Variants in LAMC1 observed in about 807,000 individuals in gnomAD.
LAMC1 encodes laminin subunit gamma-1.
In LAMC1, 38 loss-of-function variants were observed where a neutral mutation model predicts 173.6. The observed-to-expected ratio is 0.22, with a 90% CI of 0.17 to 0.29. The LOEUF (loss-of-function observed/expected upper bound fraction) is 0.29. Among genes scored for constraint, LAMC1 ranks in the 10% least tolerant of loss-of-function variants. LAMC1 has a pLI of 1.00. For missense variants in LAMC1, 1,824 were observed against 2,051.8 expected, an observed-to-expected ratio of 0.89 and a Z score of 2.14; for synonymous variants, 746 against 749.1, an observed-to-expected ratio of 1.00 and a Z score of 0.07.
intron 1 of LAMC1, among the ~76,000 whole-genome samples, chr1:183,065,348 G>A (rs1038085469): frequency 6.6e-6 from 1 of 152,206 alleles, no homozygotes. Context: ...GGGCTGGCAA[G>A]TCCAAAATCT....
At chr1:183,087,853 G>A (rs1460382187) in intron 1 of LAMC1, among the ~76,000 whole-genome samples, 1 of 141,028 alleles carries the variant, frequency 7.1e-6, no homozygotes, top group Non-Finnish European at 1.5e-5. Context: ...TGCTCTTGTT[G>A]CCCAGGCTGG....
In LAMC1 at chr1:183,093,129, G is replaced by A. The variant is rs377738100; in HGVS notation, c.419-10199G>A. 2.0e-5 allele frequency among the ~76,000 whole-genome samples: 3 copies of A among 152,198 alleles called. No individual in the cohort carries two copies. In the South Asian group the frequency reaches 6.2e-4, roughly 32 times the overall value. On this transcript the variant is annotated intron_variant, in intron 1 of 27. Coordinates refer to ENST00000258341, the MANE Select transcript of LAMC1 (RefSeq NM_002293.4). ...ATTGCACTCCATCCTGGGCGATTTA[G>A]GGCTCTCCCCTGTCTCTAACAGAAA...
chr1:183,079,540 TC>T (rs1441074548), intron 1 of LAMC1, among the ~76,000 whole-genome samples: 17 of 151,726 alleles, frequency 1.1e-4, no homozygotes, highest in Non-Finnish European at 7.4e-5. Context: ...CAATTCACCT[TC>T]CTCAGCCTCC....
At chr1:183,037,600 G>A (rs1395399904) in intron 1 of LAMC1, among the ~76,000 whole-genome samples, 1 of 152,114 alleles carries the variant, frequency 6.6e-6, no homozygotes. Flanking sequence ...TATTCACTTT[G>A]ATGTCTGTGT....
chr1:183,045,591 A>AT (rs762900654), intron 1 of LAMC1, among the ~76,000 whole-genome samples: 206 of 151,972 alleles, frequency 1.4e-3, no homozygotes, highest in Non-Finnish European at 1.3e-3. Context: ...CTGCTGATGG[A>AT]TTTTTTGTTG....
chr1:183,120,630 C>T (rs1656444934), intron 11 of LAMC1, among the ~76,000 whole-genome samples: 1 of 152,156 alleles, frequency 6.6e-6, no homozygotes, highest in African/African-American at 2.4e-5. Context: ...GTTACTGAGG[C>T]CTATACCTCT....
At chr1:183,048,404 A>G (rs1654325163) in intron 1 of LAMC1, among the ~76,000 whole-genome samples, 1 of 152,208 alleles carries the variant, frequency 6.6e-6, no homozygotes, top group Non-Finnish European at 1.5e-5. Flanking sequence ...GTTTCCCAAC[A>G]ATGATTTTTA....
At chr1:183,102,105 A>T (rs956487141) in intron 1 of LAMC1, among the ~76,000 whole-genome samples, 1 of 151,696 alleles carries the variant, frequency 6.6e-6, no homozygotes, top group Non-Finnish European at 1.5e-5. Context: ...AGAGAGGGGG[A>T]CTCCAGCCGG....
At chr1:183,119,937 G>A (rs1440704408) in intron 11 of LAMC1, among the ~76,000 whole-genome samples, 2 of 152,056 alleles carry the variant, frequency 1.3e-5, no homozygotes, top group Non-Finnish European at 2.9e-5. Flanking sequence ...TTGGGAGGCT[G>A]AGGCAGGAGG....
chr1:183,079,231 G>GTTTTTTTTTTTTTTTTTT (rs1262239438), intron 1 of LAMC1, among the ~76,000 whole-genome samples: 1 of 95,620 alleles, frequency 1.0e-5, no homozygotes, highest in African/African-American at 4.0e-5. Flanking sequence ...TCTCTAATCT[G>GTTTTTTTTTTTTTTTTTT]GTTTTTTTTT....
chr1:183,095,804 C>T (rs1655677662), intron 1 of LAMC1, among the ~76,000 whole-genome samples: 2 of 152,248 alleles, frequency 1.3e-5, no homozygotes, highest in South Asian at 4.1e-4. Context: ...TAAAATTTCA[C>T]TTGGGAATCT....
At chr1:183,088,262 C>G (rs1655482726) in intron 1 of LAMC1, among the ~76,000 whole-genome samples, 1 of 152,112 alleles carries the variant, frequency 6.6e-6, no homozygotes, top group Non-Finnish European at 1.5e-5. Context: ...AGAATTCTAG[C>G]CTGTTTTGTT....
intron 4 of LAMC1, 83 bp from the exon 5 acceptor site, chr1:183,114,448 G>A: frequency 7.4e-7 from 1 of 1,344,894 alleles, no homozygotes; most frequent in South Asian, 1.2e-5. Flanking sequence ...AGAGATGTGG[G>A]AAATTATGTT....
intron 1 of LAMC1, among the ~76,000 whole-genome samples, chr1:183,095,922 C>G (rs897156510): frequency 6.6e-6 from 1 of 152,144 alleles, no homozygotes; most frequent in African/African-American, 2.4e-5. Flanking sequence ...GTGATTTGCA[C>G]TTATTTGAAA....
At position 183,134,824 on chromosome 1, in the gene LAMC1, C is replaced by T; in HGVS notation, c.3999+15C>T. The T allele has an allele frequency of 6.2e-7, 1 of 1,607,694 alleles. No homozygotes were observed. On this transcript the variant is annotated intron_variant, in intron 23 of 27. Transcript: ENST00000258341. Reference sequence around the variant, plus strand: ...CTGAACAGCAGGTTGGTTTGATTTGCAGGTCGCTTCATTTCTTGAGGCAAC... The same window carrying T: ...CTGAACAGCAGGTTGGTTTGATTTGTAGGTCGCTTCATTTCTTGAGGCAAC...
chr1:183,028,379 A>AG (rs1283704720), intron 1 of LAMC1, among the ~76,000 whole-genome samples: 2 of 152,216 alleles, frequency 1.3e-5, no homozygotes, highest in African/African-American at 4.8e-5. Context: ...TAGAAGATTG[A>AG]GGGTCCTATC....
At chr1:183,117,798 C>A in intron 10 of LAMC1, 75 bp downstream of exon 10, 1 of 1,290,396 alleles carries the variant, frequency 7.7e-7, no homozygotes, top group Non-Finnish European at 1.1e-6. Context: ...GTTTAACTGG[C>A]CTCTAGATGT....
At position 183,049,822 on chromosome 1, in the gene LAMC1, A is replaced by G. The variant is rs529629092; in HGVS notation, c.418+25688A>G. 2.4e-5 allele frequency among the ~76,000 whole-genome samples: 3 copies of G among 126,190 alleles called. No individual in the cohort carries two copies. In the East Asian group the frequency reaches 7.8e-4, roughly 33 times the overall value. 82.8% of individuals were successfully genotyped at this position (126,190 alleles called of 152,430 possible). A position where few individuals can be genotyped will look rare whatever the true frequency, so the allele number is the denominator to read the frequency against. ...ATACTCTCCCATTCTCACCAAACTA[A>G]AACAAAAAAAAAAAATCATTCTGGA... On this transcript the variant is annotated intron_variant, in intron 1 of 27. Transcript: ENST00000258341.
At chr1:183,119,896 C>G (rs887992270) in intron 11 of LAMC1, among the ~76,000 whole-genome samples, 1 of 151,916 alleles carries the variant, frequency 6.6e-6, no homozygotes, top group African/African-American at 2.4e-5. Context: ...ACTGTCCAGG[C>G]GTGGTAACTC....
Sources: allele counts gnomAD v4.1 joint callset (sites outside exome capture counted in the v4.1 genomes callset), GRCh38; gene constraint gnomAD v4.1.1; transcripts MANE v1.5; gene names NCBI Gene and HGNC (gene_info 2026-07-23, HGNC 2026-07-21).